Variants in PTK2 observed in about 807,000 individuals in gnomAD.
The protein encoded by PTK2 is focal adhesion kinase 1.
Under a neutral mutation model 150.1 loss-of-function variants are expected in PTK2, and 45 were observed. The observed-to-expected ratio is 0.30, with a 90% confidence interval of 0.24 to 0.38. PTK2 has a LOEUF of 0.38. PTK2 is among the 10% of genes least tolerant of loss of function. The pLI is 1.00. For missense variants in PTK2, 919 were observed against 1,307.3 expected, an observed-to-expected ratio of 0.70 and a Z score of 4.58; for synonymous variants, 432 against 449.2, an observed-to-expected ratio of 0.96 and a Z score of 0.48.
At chr8:140,857,970 T>G (rs1305100048) in intron 5 of PTK2, among the ~76,000 whole-genome samples, 2 of 152,178 alleles carry the variant, frequency 1.3e-5, no homozygotes, top group African/African-American at 4.8e-5. Flanking sequence ...GGACTTCAGA[T>G]GCTATAATTC....
At chr8:140,737,864 G>C (rs1296897489) in intron 21 of PTK2, among the ~76,000 whole-genome samples, 1 of 152,142 alleles carries the variant, frequency 6.6e-6, no homozygotes, top group African/African-American at 2.4e-5. Context: ...TAATAATCAA[G>C]GCCTTGGGAT....
intron 1 of PTK2, among the ~76,000 whole-genome samples, chr8:140,994,672 TG>T (rs1425176031): frequency 1.3e-5 from 2 of 152,142 alleles, no homozygotes; most frequent in African/African-American, 2.4e-5. Context: ...GTAGTTGTTT[TG>T]GGGGGACCAT....
chr8:140,673,010 A>G (rs554688749), intron 29 of PTK2, among the ~76,000 whole-genome samples: 4 of 152,362 alleles, frequency 2.6e-5, no homozygotes, highest in South Asian at 4.1e-4. Flanking sequence ...AAGGGATGAC[A>G]GTCAATAAAT....
At chr8:140,887,877 A>C (rs2100152899) in intron 3 of PTK2, among the ~76,000 whole-genome samples, 1 of 152,190 alleles carries the variant, frequency 6.6e-6, no homozygotes. Context: ...GTCAATTCAG[A>C]CTAGCCACAT....
chr8:140,734,397 T>C (rs568284924), intron 22 of PTK2, among the ~76,000 whole-genome samples: 3 of 152,186 alleles, frequency 2.0e-5, no homozygotes, highest in Non-Finnish European at 4.4e-5. Context: ...ATTCAACAAA[T>C]GTTTATTGAG....
intron 12 of PTK2, among the ~76,000 whole-genome samples, chr8:140,797,287 T>C (rs576710209): frequency 2.9e-4 from 44 of 152,332 alleles, no homozygotes; most frequent in African/African-American, 1.0e-3. Context: ...AGGTTGTCTT[T>C]TACTGAATGA....
chr8:140,722,996 C>A (rs946586640), intron 22 of PTK2, among the ~76,000 whole-genome samples: 1 of 152,184 alleles, frequency 6.6e-6, no homozygotes, highest in South Asian at 2.1e-4. Context: ...GATCTTAAGG[C>A]TACTTACTGT....
intron 16 of PTK2, among the ~76,000 whole-genome samples, chr8:140,757,446 T>C (rs1370837725): frequency 6.6e-6 from 1 of 152,204 alleles, no homozygotes; most frequent in East Asian, 1.9e-4. Flanking sequence ...TACAATTTGA[T>C]ATAAGCACAA....
At chr8:140,925,579 C>G in intron 2 of PTK2, 82 bp downstream of exon 2, 1 of 804,530 alleles carries the variant, frequency 1.2e-6, no homozygotes, top group Non-Finnish European at 1.5e-6. Context: ...AGACAGACAA[C>G]AGGAAATACC....
chr8:140,815,578 A>G (rs1354210721), intron 10 of PTK2, among the ~76,000 whole-genome samples: 1 of 152,234 alleles, frequency 6.6e-6, no homozygotes, highest in Admixed American at 6.5e-5. Flanking sequence ...TTTTTTAAAA[A>G]AAAATCACTG....
chr8:140,732,942 G>A (rs2100050416), intron 22 of PTK2, among the ~76,000 whole-genome samples: 1 of 152,188 alleles, frequency 6.6e-6, no homozygotes, highest in Admixed American at 6.5e-5. Flanking sequence ...TAGCTACTGT[G>A]TGTGAAAGGG....
intron 4 of PTK2, among the ~76,000 whole-genome samples, chr8:140,874,070 T>C (rs1482274512): frequency 6.6e-6 from 1 of 152,200 alleles, no homozygotes; most frequent in African/African-American, 2.4e-5. Context: ...ATTTGTGTAT[T>C]GAGGTAGTAT....
At chr8:140,920,989 C>G (rs925987052) in intron 2 of PTK2, 1 of 1,313,700 alleles carries the variant, frequency 7.6e-7, no homozygotes, top group African/African-American at 1.5e-5. Flanking sequence ...GTATTTGCTT[C>G]GATCCACAAG....
chr8:140,886,624 G>T (rs1383335245), intron 3 of PTK2, among the ~76,000 whole-genome samples: 1 of 152,130 alleles, frequency 6.6e-6, no homozygotes, highest in Non-Finnish European at 1.5e-5. Flanking sequence ...TTTCCACGCT[G>T]CATTATATCA....
intron 1 of PTK2, among the ~76,000 whole-genome samples, chr8:140,979,251 A>G (rs966206991): frequency 7.9e-5 from 12 of 152,038 alleles, no homozygotes; most frequent in South Asian, 2.1e-4. Flanking sequence ...CCTAAACCTT[A>G]AAGTATTAAA....
exon 25 of PTK2, chr8:140,702,663 G>T (rs879112023): frequency 6.2e-7 from 1 of 1,613,856 alleles, no homozygotes; most frequent in Non-Finnish European, 8.5e-7. Flanking sequence ...GATAGATGCT[G>T]CCAGCCATGG....
At chr8:140,916,307 T>A (rs899949683) in intron 2 of PTK2, among the ~76,000 whole-genome samples, 4 of 152,182 alleles carry the variant, frequency 2.6e-5, no homozygotes, top group African/African-American at 9.7e-5. Context: ...AACCCATGCC[T>A]GTGTCTCTGG....
intron 23 of PTK2, among the ~76,000 whole-genome samples, chr8:140,711,980 G>A (rs1362648509): frequency 6.6e-6 from 1 of 152,078 alleles, no homozygotes; most frequent in African/African-American, 2.4e-5. Flanking sequence ...TAAATGCCGT[G>A]CTGGGTTTGA....
intron 13 of PTK2, among the ~76,000 whole-genome samples, chr8:140,792,131 C>T (rs2100088853): frequency 6.6e-6 from 1 of 152,162 alleles, no homozygotes; most frequent in Non-Finnish European, 1.5e-5. Context: ...CCCTTGCCTG[C>T]TATCTGGGAA....
Sources: gnomAD v4.1 joint callset for allele counts (sites outside exome capture counted in the v4.1 genomes callset) on GRCh38, gnomAD v4.1.1 for gene constraint, MANE v1.5 for transcripts, NCBI Gene and HGNC (gene_info 2026-07-23, HGNC 2026-07-21) for gene names.